Variants in COL10A1 observed in about 807,000 individuals in gnomAD.
COL10A1 encodes the protein collagen type X alpha 1 chain.
COL10A1 carries 10 observed loss-of-function variants against 18.2 expected under a neutral mutation model. The observed-to-expected ratio is 0.55, with a 90% confidence interval of 0.34 to 0.93. COL10A1 has a LOEUF of 0.93. COL10A1 is among the 40% of genes least tolerant of loss of function. The pLI is 0.02. For missense variants in COL10A1, 897 were observed against 853.5 expected, an observed-to-expected ratio of 1.05 and a Z score of -0.64; for synonymous variants, 330 against 316.6, an observed-to-expected ratio of 1.04 and a Z score of -0.45.
chr6:116,178,070 T>C, the COL10A1 span, among the ~76,000 whole-genome samples: 8 of 110,640 alleles, frequency 7.2e-5, no homozygotes, highest in African/African-American at 3.4e-4. Context: ...TGTGTGTGTG[T>C]GTGTGTGTGT....
chr6:116,181,608 T>C, the COL10A1 span, among the ~76,000 whole-genome samples: 1 of 152,132 alleles, frequency 6.6e-6, no homozygotes, highest in African/African-American at 2.4e-5. Context: ...CCACTTTTTT[T>C]CATTACATTA....
the COL10A1 span, among the ~76,000 whole-genome samples, chr6:116,186,731 A>G: frequency 6.6e-6 from 1 of 151,662 alleles, no homozygotes; most frequent in Non-Finnish European, 1.5e-5. Context: ...AGAAATTGTG[A>G]TTGCTTTTTT....
the COL10A1 span, among the ~76,000 whole-genome samples, chr6:116,165,462 G>C: frequency 1.3e-5 from 2 of 152,068 alleles, no homozygotes; most frequent in Non-Finnish European, 2.9e-5. Context: ...TTCTTTCTCA[G>C]GAATACCTAT....
chr6:116,192,020 T>C, the COL10A1 span, among the ~76,000 whole-genome samples: 1 of 152,076 alleles, frequency 6.6e-6, no homozygotes, highest in Non-Finnish European at 1.5e-5. Context: ...CTTATGAAAC[T>C]CATCCAGTTA....
At chr6:116,156,506 G>A (rs1353159237) in intron 1 of COL10A1, among the ~76,000 whole-genome samples, 7 of 152,158 alleles carry the variant, frequency 4.6e-5, no homozygotes, top group East Asian at 3.8e-4. Flanking sequence ...AAAGGAATGC[G>A]TCTTAAGGAA....
the COL10A1 span, among the ~76,000 whole-genome samples, chr6:116,200,002 G>GCA: frequency 2.0e-5 from 2 of 101,204 alleles, no homozygotes; most frequent in Non-Finnish European, 4.4e-5. Context: ...TGGAAAGTGG[G>GCA]GGGGGAAGAG....
At chr6:116,154,816 G>A (rs192998727) in intron 1 of COL10A1, among the ~76,000 whole-genome samples, 1 of 152,164 alleles carries the variant, frequency 6.6e-6, no homozygotes, top group Non-Finnish European at 1.5e-5. Context: ...CTTAGCAGAG[G>A]CATCTTGTTA....
At chr6:116,147,384 G>C (rs569000939) in intron 1 of COL10A1, among the ~76,000 whole-genome samples, 5 of 152,102 alleles carry the variant, frequency 3.3e-5, no homozygotes, top group African/African-American at 1.2e-4. Flanking sequence ...AGAGGTTGCA[G>C]TGAACTGAGA....
chr6:116,135,845 A>ATG lies in COL10A1; in HGVS notation c.-15-10339_-15-10338insCA, dbSNP rs201506238. Among the ~76,000 whole-genome samples the ATG allele has an allele frequency of 9.1e-3, 902 of 99,144 alleles. 8 individuals are homozygous for ATG. Among genetic ancestry groups the ATG allele is most frequent in the Non-Finnish European group, 0.014 (721 of 53,264 alleles). The allele number at this position is 99,144 out of a possible 152,430, so 65.0% of individuals were successfully genotyped here. A position where few individuals can be genotyped will look rare whatever the true frequency, so the allele number is the denominator to read the frequency against. On this transcript the variant is annotated intron_variant, in intron 1 of 1. Transcript: ENST00000418500. ...ACAATATATTTTCAGATATATATAT[A>ATG]TATATATATATATATATATATATAT...
chr6:116,172,836 T>G, the COL10A1 span, among the ~76,000 whole-genome samples: 2 of 152,210 alleles, frequency 1.3e-5, no homozygotes, highest in Non-Finnish European at 1.5e-5. Context: ...TAGGAAAATC[T>G]ACTCTCCTTG....
chr6:116,155,951 A>C lies in COL10A1; in HGVS notation c.-16+2663T>G, dbSNP rs551344768. Among the ~76,000 whole-genome samples, 34 of 152,182 alleles carry C rather than the reference A, an allele frequency of 2.2e-4. No homozygotes were observed. In the South Asian group the frequency reaches 6.8e-3, roughly 31 times the overall value. On this transcript the variant is annotated intron_variant, in intron 1 of 1. Coordinates refer to the COL10A1 transcript ENST00000418500. ...AGAGACAAATGTATTCAGTTACCTA[A>C]AGGCTTTAGGGTTGGGAATGGGCTA...
the COL10A1 span, among the ~76,000 whole-genome samples, chr6:116,167,089 AT>A: frequency 1.3e-5 from 2 of 152,138 alleles, no homozygotes; most frequent in African/African-American, 4.8e-5. Context: ...AGCATGTGAT[AT>A]CCGTAGAATT....
intron 1 of COL10A1, among the ~76,000 whole-genome samples, chr6:116,158,199 G>C (rs1780245986): frequency 6.6e-6 from 1 of 151,952 alleles, no homozygotes; most frequent in East Asian, 1.9e-4. Flanking sequence ...TGTCATTGTT[G>C]GGAGATGTTT....
intron 1 of COL10A1, among the ~76,000 whole-genome samples, chr6:116,131,222 A>C (rs953812873): frequency 2.0e-5 from 3 of 152,208 alleles, no homozygotes; most frequent in Admixed American, 6.5e-5. Flanking sequence ...ACCAAGAGCC[A>C]ATATAAGCCA....
the COL10A1 span, among the ~76,000 whole-genome samples, chr6:116,178,761 C>T: frequency 6.6e-6 from 1 of 152,182 alleles, no homozygotes; most frequent in African/African-American, 2.4e-5. Flanking sequence ...AAAATGTGAG[C>T]ATCTCAGAAG....
the COL10A1 span, among the ~76,000 whole-genome samples, chr6:116,203,508 A>G: frequency 3.3e-5 from 5 of 151,764 alleles, no homozygotes; most frequent in African/African-American, 1.2e-4. Context: ...CCTCAACATT[A>G]TGCTCCTATA....
intron 1 of COL10A1, among the ~76,000 whole-genome samples, chr6:116,148,612 T>A (rs1200479350): frequency 6.6e-6 from 1 of 152,226 alleles, no homozygotes; most frequent in African/African-American, 2.4e-5. Context: ...TGTATTTTTT[T>A]AGAACATCAG....
At chr6:116,138,713 T>C (rs1403316103) in intron 1 of COL10A1, among the ~76,000 whole-genome samples, 1 of 152,296 alleles carries the variant, frequency 6.6e-6, no homozygotes, top group Non-Finnish European at 1.5e-5. Flanking sequence ...ATTACTAATA[T>C]ATGAATCCTT....
At chr6:116,190,750 T>C in the COL10A1 span, among the ~76,000 whole-genome samples, 1 of 151,974 alleles carries the variant, frequency 6.6e-6, no homozygotes, top group Non-Finnish European at 1.5e-5. Context: ...GAGAGTCATG[T>C]GGTATGTAAA....
Sources: gnomAD v4.1 joint callset for allele counts (sites outside exome capture counted in the v4.1 genomes callset) on GRCh38, gnomAD v4.1.1 for gene constraint, MANE v1.5 for transcripts, NCBI Gene and HGNC (gene_info 2026-07-23, HGNC 2026-07-21) for gene names.